JAKMIP1: variants seen among roughly 807,000 people sequenced by gnomAD.
JAKMIP1 encodes janus kinase and microtubule interacting protein 1.
Under a neutral mutation model 113.0 loss-of-function variants are expected in JAKMIP1, and 33 were observed. The observed-to-expected ratio is 0.29, with a 90% CI of 0.22 to 0.39. The LOEUF (loss-of-function observed/expected upper bound fraction) is 0.39, where lower values mean the gene tolerates loss of function less well. JAKMIP1 is among the 10% of genes least tolerant of loss of function. JAKMIP1 has a pLI of 1.00. For synonymous variants in JAKMIP1, 480 were observed against 459.9 expected (o/e 1.04, Z -0.56); for missense variants, 813 against 1,080.5 (o/e 0.75, Z 3.47).
rs1719300288 is a variant in JAKMIP1, at chr4:6,136,719, A to G, written c.-147-23722T>C. ...ATTCCAAGAAATGGCCTGCCCAGGAAAAATAAATAAATAACAAGAACTTCC... is the reference window on the plus strand; with the variant it reads ...ATTCCAAGAAATGGCCTGCCCAGGAGAAATAAATAAATAACAAGAACTTCC... On this transcript the variant is annotated intron_variant, in intron 1 of 20. Transcript: ENST00000409021. The surrounding 1 kb of genome is among the most constrained non-coding windows in gnomAD (Gnocchi z 5.9). 6.6e-6 allele frequency among the ~76,000 whole-genome samples: 1 copy of G among 152,202 alleles called. No individual in the cohort carries two copies. Among genetic ancestry groups the G allele is most frequent in the Non-Finnish European group, 1.5e-5 (1 of 68,036 alleles).
chr4:6,099,219 TG>T (rs1449704829), intron 3 of JAKMIP1, among the ~76,000 whole-genome samples: 1 of 152,262 alleles, frequency 6.6e-6, no homozygotes, highest in African/African-American at 2.4e-5. Flanking sequence ...ATGTAACTAC[TG>T]ATATGACTCC....
intron 3 of JAKMIP1, among the ~76,000 whole-genome samples, chr4:6,098,708 GAAAGAAAGAAAGAA>G (rs1560181217): frequency 2.0e-4 from 3 of 14,916 alleles, no homozygotes; most frequent in African/African-American, 1.4e-4. Flanking sequence ...AAGAAAGAAA[GAAAGAAAGAAAGAA>G]AAAGAAAGAA....
intron 12 of JAKMIP1, 91 bp from the exon 13 acceptor site, chr4:6,054,239 AC>A: frequency 7.6e-7 from 1 of 1,317,458 alleles, no homozygotes; most frequent in South Asian, 1.3e-5. Context: ...CTGGAGGGAA[AC>A]AGACGACTGG....
At chr4:6,171,787 G>A (rs779132797) in intron 1 of JAKMIP1, among the ~76,000 whole-genome samples, 62 of 152,164 alleles carry the variant, frequency 4.1e-4, no homozygotes, top group African/African-American at 1.3e-3. Context: ...GCACGGAATC[G>A]AGGCTCGTTC....
In JAKMIP1 at chr4:6,157,293, G is replaced by A. The variant is rs185786163; in HGVS notation, c.-148+42960C>T. ...AGCAACACAAAATGGACTAAGACGA[G>A]TGCACCTGGGCAGGTTACTCCCTCT... On this transcript the variant is annotated intron_variant, in intron 1 of 20. Transcript: ENST00000409021. The surrounding 1 kb of genome is among the most constrained non-coding windows in gnomAD (Gnocchi z 4.7). 1.3e-5 allele frequency among the ~76,000 whole-genome samples: 2 copies of A among 152,270 alleles called. No homozygotes were observed. The highest frequency in any genetic ancestry group is 3.9e-4 in the East Asian group (2 of 5,182).
At chr4:6,173,552 C>T (rs1724993148) in intron 1 of JAKMIP1, among the ~76,000 whole-genome samples, 1 of 152,162 alleles carries the variant, frequency 6.6e-6, no homozygotes, top group Non-Finnish European at 1.5e-5. Flanking sequence ...TGTCTTATTG[C>T]AAAATTCCAA....
At chr4:6,170,158 C>CA (rs1724250794) in intron 1 of JAKMIP1, among the ~76,000 whole-genome samples, 1 of 150,408 alleles carries the variant, frequency 6.6e-6, no homozygotes, top group Non-Finnish European at 1.5e-5. Flanking sequence ...CCAACACCAC[C>CA]ACCACCACCC....
intron 7 of JAKMIP1, among the ~76,000 whole-genome samples, chr4:6,079,582 T>A (rs538267394): frequency 6.6e-6 from 1 of 152,334 alleles, no homozygotes; most frequent in South Asian, 2.1e-4. Flanking sequence ...TCCCTGCAGG[T>A]GTTCTCTGCC....
chr4:6,100,835 C>A (rs549940328), intron 3 of JAKMIP1, among the ~76,000 whole-genome samples: 1 of 152,034 alleles, frequency 6.6e-6, no homozygotes, highest in African/African-American at 2.4e-5. Context: ...GGTAGAACAC[C>A]TTTTCACATA....
chr4:6,195,537 T>C (rs532049386), intron 1 of JAKMIP1, among the ~76,000 whole-genome samples: 2 of 152,294 alleles, frequency 1.3e-5, no homozygotes, highest in East Asian at 3.9e-4. Context: ...TCTCTTAACA[T>C]GGTAAAATTA....
At chr4:6,057,171 C>T (rs549851241) in intron 11 of JAKMIP1, among the ~76,000 whole-genome samples, 288 of 152,330 alleles carry the variant, frequency 1.9e-3, no homozygotes, top group Middle Eastern at 0.014. Context: ...CGTTTCTTTG[C>T]CTGGTCGTAT....
In JAKMIP1 at chr4:6,135,939, G is replaced by T. The variant is rs1041513651; in HGVS notation, c.-147-22942C>A. 9.2e-5 allele frequency among the ~76,000 whole-genome samples: 14 copies of T among 152,102 alleles called. No homozygotes were observed. The highest frequency in any genetic ancestry group is 1.0e-4 in the Non-Finnish European group (7 of 68,020). On this transcript the variant is annotated intron_variant, in intron 1 of 20. Transcript: ENST00000409021. The surrounding 1 kb of genome is among the most constrained non-coding windows in gnomAD (Gnocchi z 4.9). ...GGGACAGCAAAAATAAGGAGTGAATGAAGTGTCCCTTCAACATGGACCGAG... is the reference window on the plus strand; with the variant it reads ...GGGACAGCAAAAATAAGGAGTGAATTAAGTGTCCCTTCAACATGGACCGAG...
At chr4:6,079,176 T>G (rs1203993438) in intron 7 of JAKMIP1, among the ~76,000 whole-genome samples, 178 bp from the exon 8 acceptor site, 2 of 152,180 alleles carry the variant, frequency 1.3e-5, no homozygotes, top group African/African-American at 4.8e-5. Flanking sequence ...GAGTTTATTA[T>G]CCACCTTTTG....
At chr4:6,099,707 T>C (rs1366833385) in intron 3 of JAKMIP1, among the ~76,000 whole-genome samples, 1 of 152,240 alleles carries the variant, frequency 6.6e-6, no homozygotes. Context: ...TATCTGGCAT[T>C]GTTTCTCTTC....
intron 1 of JAKMIP1, among the ~76,000 whole-genome samples, chr4:6,165,013 G>A (rs1723441045): frequency 6.6e-6 from 1 of 152,206 alleles, no homozygotes; most frequent in East Asian, 1.9e-4. Flanking sequence ...GGCCTGAGAG[G>A]ATTGACTCCA....
chr4:6,170,026 TTCCC>T (rs1724208780), intron 1 of JAKMIP1, among the ~76,000 whole-genome samples: 1 of 55,930 alleles, frequency 1.8e-5, no homozygotes, highest in Non-Finnish European at 3.5e-5. Context: ...CACCACCACA[TTCCC>T]ATCACCACCA....
At chr4:6,133,599 G>A (rs1396016445) in intron 1 of JAKMIP1, among the ~76,000 whole-genome samples, 7 of 152,172 alleles carry the variant, frequency 4.6e-5, no homozygotes, top group African/African-American at 1.7e-4. Flanking sequence ...TGGGTGGTGG[G>A]CAGGGGGCGC....
chr4:6,173,888 G>A (rs1560324045), intron 1 of JAKMIP1, among the ~76,000 whole-genome samples: 2 of 151,970 alleles, frequency 1.3e-5, no homozygotes, highest in African/African-American at 2.4e-5. Context: ...CCAGCCTGGC[G>A]AACATGGTGA....
intron 1 of JAKMIP1, among the ~76,000 whole-genome samples, chr4:6,119,744 C>A (rs1433511389): frequency 6.6e-6 from 1 of 152,230 alleles, no homozygotes; most frequent in South Asian, 2.1e-4. Context: ...CATCCCTCTA[C>A]AGTCACAATT....
Sources: gnomAD v4.1 joint callset for allele counts (sites outside exome capture counted in the v4.1 genomes callset) on GRCh38, gnomAD v4.1.1 for gene constraint, Gnocchi (gnomAD v3.1) non-coding constraint, MANE v1.5 for transcripts, NCBI Gene and HGNC (gene_info 2026-07-23, HGNC 2026-07-21) for gene names.